DNAAF5: variants seen among roughly 807,000 people sequenced by gnomAD.
DNAAF5 encodes HEAT repeat containing 2.
In DNAAF5, 64 loss-of-function variants were observed where a neutral mutation model predicts 75.8. The observed-to-expected ratio is 0.84, with a 90% CI of 0.69 to 1.04. DNAAF5 has a LOEUF of 1.04. DNAAF5 is among the 50% of genes least tolerant of loss of function. DNAAF5 has a pLI of 0.00. For missense variants in DNAAF5, 1,269 were observed against 1,178.5 expected (o/e 1.08, Z -1.12); for synonymous variants, 657 against 557.2 (o/e 1.18, Z -2.52).
intron 1 of DNAAF5, among the ~76,000 whole-genome samples, chr7:728,335 C>T (rs920162863): frequency 1.3e-5 from 2 of 152,174 alleles, no homozygotes; most frequent in Non-Finnish European, 2.9e-5. Context: ...CAGCTCAGGC[C>T]GTCCCAGTGA....
At chr7:761,728 T>C (rs374608532) in intron 6 of DNAAF5, 25 bp from the exon 7 acceptor site, 1 of 1,582,320 alleles carries the variant, frequency 6.3e-7, no homozygotes, top group Non-Finnish European at 8.6e-7. Flanking sequence ...TACCAAGCTC[T>C]GACGGTGCTG....
intron 8 of DNAAF5, chr7:768,621 A>G (rs2128083007): frequency 6.6e-6 from 1 of 151,822 alleles, no homozygotes; most frequent in East Asian, 2.0e-4. Context: ...CTCGAGCAGG[A>G]GCGCTCATGC....
intron 11 of DNAAF5, 64 bp downstream of exon 11, chr7:775,226 C>T (rs1226335687): frequency 6.7e-6 from 10 of 1,491,834 alleles, no homozygotes; most frequent in African/African-American, 2.8e-5. Flanking sequence ...CCCTGGGTTC[C>T]GTTTGCATCC....
At chr7:749,988 G>C (rs965308805) in intron 4 of DNAAF5, among the ~76,000 whole-genome samples, 1 of 152,102 alleles carries the variant, frequency 6.6e-6, no homozygotes, top group Non-Finnish European at 1.5e-5. Flanking sequence ...TGTGAGCCAC[G>C]GTGCCCAGCC....
chr7:760,693 C>G (rs566280758), intron 6 of DNAAF5, among the ~76,000 whole-genome samples: 1 of 152,310 alleles, frequency 6.6e-6, no homozygotes, highest in East Asian at 1.9e-4. Flanking sequence ...TAAGCACACG[C>G]AAAGCCTTAG....
At chr7:753,796 A>C (rs1782387805) in intron 4 of DNAAF5, among the ~76,000 whole-genome samples, 1 of 131,182 alleles carries the variant, frequency 7.6e-6, no homozygotes, top group Admixed American at 8.1e-5. Context: ...TCATATGGCG[A>C]TGGCTTCGCA....
chr7:731,250 C>T (rs894522154), intron 2 of DNAAF5, among the ~76,000 whole-genome samples: 1 of 152,110 alleles, frequency 6.6e-6, no homozygotes, highest in Admixed American at 6.6e-5. Context: ...TGATAGCTGT[C>T]GGTGTAAGCC....
At chr7:782,442 CTGGTGTGGCCGCCTCCCGTCACG>C (rs1562404465) in intron 12 of DNAAF5, among the ~76,000 whole-genome samples, 419 of 133,716 alleles carry the variant, frequency 3.1e-3, no homozygotes, top group Admixed American at 3.6e-3. Context: ...TCGCATCTTC[CTGGTGTGGCCGCCTCCCGTCACG>C]CGGCGTCAGA....
intron 6 of DNAAF5, among the ~76,000 whole-genome samples, chr7:760,870 G>A (rs1782622881): frequency 6.6e-6 from 1 of 152,216 alleles, no homozygotes; most frequent in Non-Finnish European, 1.5e-5. Flanking sequence ...TTAAGCCATA[G>A]AATTTTATTT....
At position 761,754 on chromosome 7, in the gene DNAAF5, A is replaced by G; in HGVS notation, c.1472A>G (p.Asp491Gly). The stretch of plus-strand genomic sequence containing the variant: ...GACGGTGCTGCCGGTCTCTTCCAGG[A>G]CCTCTACCTGGAGCGCCTGCTGCTG... ...QAHICQASENDLYLERLLLCV... is the reference protein window; with the variant it reads ...QAHICQASENGLYLERLLLCV... The change falls in exon 7 of 13, where the codon GAC becomes GGC. Residue 491 changes from aspartate to glycine, a missense_variant and splice_region_variant. Transcript: ENST00000297440. 6.2e-7 allele frequency: 1 copy of G among 1,601,728 alleles called. No individual in the cohort carries two copies. The highest frequency in any genetic ancestry group is 8.5e-7 in the Non-Finnish European group (1 of 1,174,732).
Position 756,820 on chromosome 7 carries a change from C to A in DNAAF5, c.1296C>A (p.Ser432Arg). 6.2e-7 allele frequency: 1 copy of A among 1,614,008 alleles called. No individual in the cohort carries two copies. The highest frequency in any genetic ancestry group is 8.5e-7 in the Non-Finnish European group (1 of 1,180,024). The change falls in exon 6 of 13, where the codon AGC becomes AGA. Residue 432 changes from serine (S) to arginine (R), a missense_variant. Coordinates refer to ENST00000297440, the MANE Select transcript of DNAAF5 (RefSeq NM_017802.4). ...CAGAGCTCGTCGGGACGTTTGTCAG[C>A]CCTGAGGTGTTTCTGAAGCTGATCT... Reference protein sequence around the residue: ...RSAELVGTFVSPEVFLKLILS... With the variant: ...RSAELVGTFVRPEVFLKLILS...
At chr7:746,785 C>T (rs901825444) in intron 4 of DNAAF5, among the ~76,000 whole-genome samples, 10 of 152,214 alleles carry the variant, frequency 6.6e-5, no homozygotes, top group Admixed American at 4.6e-4. Context: ...AGCAGCACCG[C>T]CTCTGTCCCC....
chr7:764,043 G>T, intron 8 of DNAAF5, 69 bp downstream of exon 8: 1 of 1,550,602 alleles, frequency 6.4e-7, no homozygotes, highest in South Asian at 1.1e-5. Context: ...TCCCCCAGGT[G>T]CTCAGCAGGT....
chr7:760,545 G>A (rs1243253713), intron 6 of DNAAF5, among the ~76,000 whole-genome samples: 1 of 152,224 alleles, frequency 6.6e-6, no homozygotes, highest in Non-Finnish European at 1.5e-5. Flanking sequence ...AGCACTTTGA[G>A]AGGCCACGGC....
At chr7:757,602 C>G (rs1782527888) in intron 6 of DNAAF5, among the ~76,000 whole-genome samples, 1 of 152,238 alleles carries the variant, frequency 6.6e-6, no homozygotes. Context: ...GCAGCAAATC[C>G]TTGAGCTCAG....
At chr7:739,582 C>G (rs1282474464) in intron 2 of DNAAF5, among the ~76,000 whole-genome samples, 1 of 152,242 alleles carries the variant, frequency 6.6e-6, no homozygotes, top group Admixed American at 6.5e-5. Flanking sequence ...GCGTGCTTCC[C>G]TGCTGCTCGC....
intron 12 of DNAAF5, among the ~76,000 whole-genome samples, chr7:783,504 T>G (rs542309845): frequency 3.5e-4 from 54 of 152,276 alleles, no homozygotes; most frequent in African/African-American, 1.3e-3. Context: ...TTGGAGCCCA[T>G]GTCGGGAGCC....
chr7:726,899 C>T lies in DNAAF5; in HGVS notation c.179C>T (p.Pro60Leu), dbSNP rs1238011792. 3.6e-5 allele frequency: 48 copies of T among 1,344,968 alleles called. No individual in the cohort carries two copies. The highest frequency in any genetic ancestry group is 2.8e-4 in the Middle Eastern group (1 of 3,562). 83.3% of individuals were successfully genotyped at this position (1,344,968 alleles called of 1,614,324 possible). ...GCCCTGCGGCGCGCGCTGGAGGAGC[C>T]AGGCCCTGCCGCCGACCCCACCGCT... ...LEALRRALEEPGPAADPTAFQ... is the reference protein window; with the variant it reads ...LEALRRALEELGPAADPTAFQ... Residue 60 changes from proline (P) to leucine (L), a missense_variant, in exon 1 of 13, where the codon CCA becomes CTA. Pro to Leu is a moderately conservative substitution (Grantham distance 98). Transcript: ENST00000297440.
rs112667734 is a variant in DNAAF5 at position 782,625 on chromosome 7, A to C, written c.2431+2481A>C. Among the ~76,000 whole-genome samples the C allele has an allele frequency of 5.6e-3, 520 of 93,670 alleles. 4 individuals are homozygous for C. Among genetic ancestry groups the C allele is most frequent in the Admixed American group, 7.3e-3 (64 of 8,754 alleles). The allele number at this position is 93,670 out of a possible 152,430, so 61.5% of individuals were successfully genotyped here. Reference sequence around the variant, plus strand: ...CGTTACGCAGCGTCAGAAACTCGATATTCCTGGCGTGGCCGCCTCCCGTCA... The same window carrying C: ...CGTTACGCAGCGTCAGAAACTCGATCTTCCTGGCGTGGCCGCCTCCCGTCA... On this transcript the variant is annotated intron_variant, in intron 12 of 12. Coordinates refer to ENST00000297440, the MANE Select transcript of DNAAF5 (RefSeq NM_017802.4).
Sources: gnomAD v4.1 joint callset for allele counts (sites outside exome capture counted in the v4.1 genomes callset) on GRCh38, gnomAD v4.1.1 for gene constraint, MANE v1.5 for transcripts, NCBI Gene and HGNC (gene_info 2026-07-23, HGNC 2026-07-21) for gene names.